The following NCALD variants were observed in gnomAD, a reference collection of about 807,000 sequenced individuals.
NCALD encodes the protein neurocalcin delta.
A neutral mutation model predicts 18.6 loss-of-function variants in NCALD; 10 were observed. That is an observed-to-expected ratio of 0.54 (90% CI 0.33 to 0.91). The LOEUF (loss-of-function observed/expected upper bound fraction) is 0.91, where lower values mean the gene tolerates loss of function less well. NCALD is among the 40% of genes least tolerant of loss of function. The probability of loss-of-function intolerance (pLI) is 0.03; values close to 1 mark genes in which losing one functional copy is unlikely to be tolerated. For missense variants in NCALD, 184 were observed against 247.6 expected (o/e 0.74, Z 1.72); for synonymous variants, 88 against 87.4 (o/e 1.01, Z -0.04).
rs531414926 is a variant in NCALD at position 102,006,310 on chromosome 8, CT to C, written c.-157+13926del. The stretch of plus-strand genomic sequence containing the variant: ...TAAACGTAATGTTTTCATTGGTTCT[CT>C]TTTTTTTTTTAAAGTAAGCAATGGG... On this transcript the variant is annotated intron_variant, in intron 2 of 6. Coordinates refer to the NCALD transcript ENST00000311028. Among the ~76,000 whole-genome samples the C allele has an allele frequency of 5.8e-3, 850 of 146,246 alleles. 8 individuals carry two copies. Among genetic ancestry groups the C allele is most frequent in the African/African-American group, 0.018 (716 of 40,176 alleles).
intron 2 of NCALD, among the ~76,000 whole-genome samples, chr8:102,018,529 T>C (rs542538645): frequency 1.3e-5 from 2 of 151,978 alleles, no homozygotes; most frequent in South Asian, 4.1e-4. Context: ...TTATATATTC[T>C]GGAAAAAAGA....
intron 2 of NCALD, among the ~76,000 whole-genome samples, chr8:101,976,333 T>A (rs1461577775): frequency 6.6e-6 from 1 of 152,174 alleles, no homozygotes; most frequent in Non-Finnish European, 1.5e-5. Flanking sequence ...GCAATGTCTC[T>A]TTGAATGTTC....
At chr8:101,969,361 A>G (rs549203497) in intron 2 of NCALD, among the ~76,000 whole-genome samples, 101 of 152,296 alleles carry the variant, frequency 6.6e-4, no homozygotes, top group African/African-American at 2.4e-3. Flanking sequence ...TCTATTATTC[A>G]AGATTCCATT....
At chr8:101,902,692 T>G (rs950300007) in intron 3 of NCALD, among the ~76,000 whole-genome samples, 21 of 152,362 alleles carry the variant, frequency 1.4e-4, no homozygotes, top group Admixed American at 7.2e-4. Flanking sequence ...ACTGTCAACC[T>G]TCAGCTCCCT....
chr8:102,022,144 G>A (rs1822299013), intron 1 of NCALD, among the ~76,000 whole-genome samples: 1 of 152,110 alleles, frequency 6.6e-6, no homozygotes, highest in African/African-American at 2.4e-5. Context: ...AATCCAAATA[G>A]AAACCAGAGG....
intron 1 of NCALD, among the ~76,000 whole-genome samples, chr8:102,090,909 T>C (rs1195453208): frequency 6.6e-6 from 1 of 152,232 alleles, no homozygotes; most frequent in Admixed American, 6.5e-5. Context: ...GAATCAAACT[T>C]GACTTGAGCC....
chr8:101,703,209 C>G (rs1375108376), intron 2 of NCALD, among the ~76,000 whole-genome samples: 1 of 150,956 alleles, frequency 6.6e-6, no homozygotes, highest in Non-Finnish European at 1.5e-5. Flanking sequence ...TGAGATTTGT[C>G]TTCCCAGTGG....
At chr8:102,075,796 C>G (rs866306829) in intron 1 of NCALD, among the ~76,000 whole-genome samples, 10 of 151,720 alleles carry the variant, frequency 6.6e-5, no homozygotes, top group Non-Finnish European at 1.5e-4. Flanking sequence ...CTAAAATATA[C>G]AAAAAAATTA....
intron 1 of NCALD, among the ~76,000 whole-genome samples, chr8:101,754,724 G>A (rs942343514): frequency 3.3e-5 from 5 of 152,130 alleles, no homozygotes; most frequent in African/African-American, 9.7e-5. Context: ...TTGAAGCTCA[G>A]GAGGGTTAAG....
chr8:101,801,643 CTTTTT>C (rs71268530), intron 4 of NCALD, among the ~76,000 whole-genome samples: 14 of 44,146 alleles, frequency 3.2e-4, no homozygotes, highest in African/African-American at 7.6e-4. Context: ...AGCACACTTA[CTTTTT>C]TTTTTTTTTT....
intron 4 of NCALD, among the ~76,000 whole-genome samples, chr8:101,852,403 C>G (rs936069975): frequency 2.0e-5 from 3 of 152,140 alleles, no homozygotes. Flanking sequence ...TTGCCTTTCA[C>G]TATTAGATGC....
At chr8:101,731,831 C>A (rs1080597) in intron 1 of NCALD, among the ~76,000 whole-genome samples, 9,794 of 152,194 alleles carry the variant, frequency 0.064, 1,034 homozygotes, top group African/African-American at 0.22. Context: ...TCACTGCATG[C>A]TTAAAGGGCC....
In NCALD at chr8:101,894,580, T is replaced by C. The variant is rs980791228; in HGVS notation, c.-106-7353A>G. Reference sequence around the variant, plus strand: ...AAAATCAAGGAATCCAGGAACTGGTTTTTTGAAAGGATCAACAAAATTGAT... The same window carrying C: ...AAAATCAAGGAATCCAGGAACTGGTCTTTTGAAAGGATCAACAAAATTGAT... On this transcript the variant is annotated intron_variant, in intron 3 of 6. Coordinates refer to the NCALD transcript ENST00000311028. 5.2e-4 allele frequency among the ~76,000 whole-genome samples: 74 copies of C among 143,528 alleles called. 2 individuals are homozygous for C. The highest frequency in any genetic ancestry group is 1.6e-4 in the Non-Finnish European group (11 of 67,434). 94.2% of individuals were successfully genotyped at this position (143,528 alleles called of 152,430 possible). A position where few individuals can be genotyped will look rare whatever the true frequency, so the allele number is the denominator to read the frequency against.
Position 101,719,403 on chromosome 8 carries a change from C to T in NCALD, c.227G>A (p.Gly76Glu). The T allele has an allele frequency of 3.1e-6, 5 of 1,614,246 alleles. No individual in the cohort carries two copies. Among genetic ancestry groups the T allele is most frequent in the Non-Finnish European group, 4.2e-6 (5 of 1,180,040 alleles). ...EHVFRTFDAN[G>E]DGTIDFREFI... ...TTCTCTAAAGTCTATTGTCCCATCT[C>T]CATTTGCATCGAAGGTGCGGAAGAC... The change falls in exon 2 of 4, where the codon GGA (glycine) becomes GAA (glutamate). Residue 76 changes from glycine (G) to glutamate (E), a missense_variant. Physicochemically the swap from Gly to Glu is moderately conservative, Grantham distance 98. Coordinates refer to ENST00000220931, the MANE Select transcript of NCALD (RefSeq NM_032041.3).
At chr8:101,693,149 A>G (rs1814812887) in intron 2 of NCALD, 2 of 352,768 alleles carry the variant, frequency 5.7e-6, no homozygotes, top group South Asian at 5.6e-5. Flanking sequence ...TGTGTCTCCA[A>G]TGTTTTTTGA....
intron 2 of NCALD, among the ~76,000 whole-genome samples, chr8:101,957,294 T>TTG (rs1554671821): frequency 2.8e-5 from 4 of 143,380 alleles, no homozygotes; most frequent in African/African-American, 5.4e-5. Flanking sequence ...TTGGGGTTTT[T>TTG]TTTTTTTTTT....
intron 1 of NCALD, among the ~76,000 whole-genome samples, chr8:102,034,439 A>AGG (rs1822791150): frequency 6.6e-6 from 1 of 152,174 alleles, no homozygotes; most frequent in South Asian, 2.1e-4. Flanking sequence ...ATATGGGTGG[A>AGG]GGGCTGTGTA....
At chr8:101,947,862 C>A (rs1233844602) in intron 2 of NCALD, among the ~76,000 whole-genome samples, 1 of 152,134 alleles carries the variant, frequency 6.6e-6, no homozygotes, top group African/African-American at 2.4e-5. Flanking sequence ...CTGTTCTAGG[C>A]AAAAGCAACA....
intron 1 of NCALD, among the ~76,000 whole-genome samples, chr8:102,108,874 C>T (rs147771615): frequency 3.3e-5 from 5 of 152,218 alleles, no homozygotes; most frequent in South Asian, 2.1e-4. Flanking sequence ...ATCAGAAGGA[C>T]GACCAGAAAA....
Sources: allele counts gnomAD v4.1 joint callset (sites outside exome capture counted in the v4.1 genomes callset), GRCh38; gene constraint gnomAD v4.1.1; transcripts MANE v1.5; gene names NCBI Gene and HGNC (gene_info 2026-07-23, HGNC 2026-07-21).